Variants in CTSG observed in about 807,000 individuals in gnomAD.
CTSG encodes the protein cathepsin G.
CTSG carries 23 observed loss-of-function variants against 23.0 expected under a neutral mutation model. The ratio of observed to expected loss-of-function variants is 1.00; its 90% CI spans 0.72 to 1.42. The LOEUF is 1.42. Ranked by LOEUF, CTSG falls within the 40% of genes most tolerant of loss-of-function variation. The probability of loss-of-function intolerance (pLI) is 0.00; values close to 1 mark genes in which losing one functional copy is unlikely to be tolerated. For missense variants in CTSG, 312 were observed against 326.2 expected, an observed-to-expected ratio of 0.96 and a Z score of 0.33; for synonymous variants, 140 against 130.4, an observed-to-expected ratio of 1.07 and a Z score of -0.50.
intron 1 of CTSG, 86 bp downstream of exon 1, chr14:24,576,083 G>A: frequency 9.1e-7 from 1 of 1,093,602 alleles, no homozygotes. Context: ...TTGCTCAACA[G>A]TACAGAATTA....
At chr14:24,573,953 G>A in intron 4 of CTSG, 143 bp from the exon 5 acceptor site, 1 of 796,612 alleles carries the variant, frequency 1.3e-6, no homozygotes, top group East Asian at 2.6e-5. Context: ...TGGGGTACAG[G>A]AGCCAAGCCT....
intron 2 of CTSG, 115 bp downstream of exon 2, chr14:24,575,150 C>T: frequency 1.6e-6 from 2 of 1,213,602 alleles, no homozygotes; most frequent in Non-Finnish European, 2.4e-6. Context: ...CAAAGACTCA[C>T]TTGGTCTTTC....
At chr14:24,574,984 G>C in intron 2 of CTSG, 174 bp from the exon 3 acceptor site, 1 of 823,062 alleles carries the variant, frequency 1.2e-6, no homozygotes, top group Non-Finnish European at 1.9e-6. Context: ...GGGATGACAG[G>C]GTGGTACTTG....
At position 24,576,179 on chromosome 14, in the gene CTSG, C is replaced by T. The variant is rs1457044007; in HGVS notation, c.45G>A (p.Gly15=). The change falls in exon 1 of 5, where the codon GGG becomes GGA. Residue 15 remains glycine, a synonymous_variant. Coordinates refer to ENST00000216336, the MANE Select transcript of CTSG (RefSeq NM_001911.3). ...GGGATGGTCACTCACCTGCCTCAGC[C>T]CCAGTGGGTAGGAGAAAGGCCAGCA... ...LLLLAFLLPT[G]AEAGEIIGGR... 2 of 1,610,512 alleles carry T rather than the reference C, an allele frequency of 1.2e-6. No individual in the cohort carries two copies. Among genetic ancestry groups the T allele is most frequent in the East Asian group, 2.2e-5 (1 of 44,820 alleles).
At chr14:24,574,845 G>A (rs1337896903) in intron 2 of CTSG, 35 bp from the exon 3 acceptor site, 1 of 1,611,844 alleles carries the variant, frequency 6.2e-7, no homozygotes. Flanking sequence ...GGCTGCAGGA[G>A]CTATGGTCCA....
At position 24,574,377 on chromosome 14, in the gene CTSG, C is replaced by G; in HGVS notation, c.462G>C (p.Arg154Ser). 2 of 1,611,156 alleles carry G rather than the reference C, an allele frequency of 1.2e-6. No individual in the cohort carries two copies. Among genetic ancestry groups the G allele is most frequent in the Non-Finnish European group, 1.7e-6 (2 of 1,180,004 alleles). The stretch of plus-strand genomic sequence containing the variant: ...GCACCTCTCGGAGTGTATCTGTTCC[C>G]CTCCTCATGCTGACCCTGCCCCAGC... ...VAGWGRVSMRRGTDTLREVQL... is the reference protein window; with the variant it reads ...VAGWGRVSMRSGTDTLREVQL... The change falls in exon 4 of 5, where the codon AGG (arginine) becomes AGC (serine). Residue 154 changes from arginine to serine, a missense_variant. Arg to Ser is a moderately radical substitution (Grantham distance 110). Coordinates refer to ENST00000216336, the MANE Select transcript of CTSG (RefSeq NM_001911.3).
At chr14:24,576,110 T>A in intron 1 of CTSG, 59 bp downstream of exon 1, 1 of 1,490,428 alleles carries the variant, frequency 6.7e-7, no homozygotes, top group South Asian at 1.2e-5. Flanking sequence ...ACCAAGGCAA[T>A]TTGGCTCAAG....
Position 24,574,320 on chromosome 14 carries a change from G to C in CTSG, c.519C>G (p.Leu173=), listed in dbSNP as rs776614375. The C allele has an allele frequency of 6.2e-7, 1 of 1,603,734 alleles. No individual in the cohort carries two copies. Among genetic ancestry groups the C allele is most frequent in the East Asian group, 2.2e-5 (1 of 44,866 alleles). Residue 173 remains leucine (L), a synonymous_variant, in exon 4 of 5, where the codon CTC becomes CTG. Transcript: ENST00000216336. ...GGGGGTCGTAGGAACCGAAGATGCG[G>C]AGGCACTGCCTATCCCTCTGCACTC... ...QLRVQRDRQC[L]RIFGSYDPRR...
chr14:24,574,895 G>A, intron 2 of CTSG, 85 bp from the exon 3 acceptor site: 1 of 1,563,034 alleles, frequency 6.4e-7, no homozygotes, highest in South Asian at 1.1e-5. Flanking sequence ...GGGAGGGCAA[G>A]ACTGCAGCTA....
At chr14:24,573,892 G>C in intron 4 of CTSG, 82 bp from the exon 5 acceptor site, 1 of 1,314,776 alleles carries the variant, frequency 7.6e-7, no homozygotes, top group Admixed American at 2.1e-5. Flanking sequence ...AGGGAAGGCA[G>C]GGGTGGGTGG....
intron 3 of CTSG, 76 bp from the exon 4 acceptor site, chr14:24,574,575 A>C (rs1317241383): frequency 2.5e-6 from 4 of 1,610,914 alleles, no homozygotes; most frequent in Non-Finnish European, 3.4e-6. Context: ...TGCAGTACAC[A>C]TCCCATGCCC....
Position 24,574,504 on chromosome 14 carries a change from A to G in CTSG, c.340-5T>C, listed in dbSNP as rs2066731372. The G allele has an allele frequency of 6.2e-7, 1 of 1,613,688 alleles. No homozygotes were observed. Among genetic ancestry groups the G allele is most frequent in the Non-Finnish European group, 8.5e-7 (1 of 1,179,930 alleles). On this transcript the variant is annotated splice_region_variant and splice_polypyrimidine_tract_variant and intron_variant, in intron 3 of 4. Transcript: ENST00000216336. ...CCGTCTGACTCTTCTGCTCAGCTGG[A>G]GGAAGAATGTAGGCGTTCCCGCTCA... is the stretch of plus-strand genomic sequence containing the variant.
At position 24,573,772 on chromosome 14, in the gene CTSG, G is replaced by A. The variant is rs199877520; in HGVS notation, c.633C>T (p.Ala211=). 4.6e-4 allele frequency: 746 copies of A among 1,614,092 alleles called. 4 individuals carry two copies. The highest frequency in any genetic ancestry group is 2.2e-4 in the Non-Finnish European group (262 of 1,180,006). Reference sequence around the variant, plus strand: ...ACTTTCCATAGGAGACGATGCCGTGGGCCACATTGTTACACAGCAGGGGGC... The same window carrying A: ...ACTTTCCATAGGAGACGATGCCGTGAGCCACATTGTTACACAGCAGGGGGC... ...SGGPLLCNNV[A]HGIVSYGKSS... is the part of the protein sequence containing the mutation. The change falls in exon 5 of 5, where the codon GCC becomes GCT. Residue 211 remains alanine (A), a synonymous_variant. Transcript: ENST00000216336.
chr14:24,574,951 T>C, intron 2 of CTSG, 141 bp from the exon 3 acceptor site: 1 of 1,088,594 alleles, frequency 9.2e-7, no homozygotes, highest in Non-Finnish European at 1.3e-6. Context: ...AGCTGTATCC[T>C]CTTTCTCAGC....
At chr14:24,575,550 C>T in intron 1 of CTSG, 138 bp from the exon 2 acceptor site, 1 of 908,454 alleles carries the variant, frequency 1.1e-6, no homozygotes, top group East Asian at 2.4e-5. Context: ...GGTGCTGAGG[C>T]TTGGAGTCTA....
rs1307456242 is a variant in CTSG, at chr14:24,574,744, A to C, written c.270T>G (p.Thr90=). The change falls in exon 3 of 5, where the codon ACT becomes ACG. Residue 90 remains threonine, a synonymous_variant. Transcript: ENST00000216336. ...QRRENTQQHI[T]ARRAIRHPQY... ...GAGGGTGGCGGATGGCTCTGCGCGC[A>C]GTGATGTGTTGCTGGGTGTTTTCCC... 1 of 1,614,108 alleles carries C rather than the reference A, an allele frequency of 6.2e-7. No homozygotes were observed. Among genetic ancestry groups the C allele is most frequent in the East Asian group, 2.2e-5 (1 of 44,860 alleles).
At position 24,575,344 on chromosome 14, in the gene CTSG, T is replaced by C. The variant is rs146445852; in HGVS notation, c.124A>G (p.Ser42Gly). The C allele has an allele frequency of 5.6e-5, 90 of 1,614,078 alleles. No individual in the cohort carries two copies. In the African/African-American group the frequency reaches 9.2e-4, roughly 17 times the overall value. Residue 42 changes from serine to glycine, a missense_variant, in exon 2 of 5, where the codon AGT becomes GGT. By Grantham distance (56) the Ser-to-Gly change is moderately conservative (BLOSUM62 0). Coordinates refer to ENST00000216336, the MANE Select transcript of CTSG (RefSeq NM_001911.3). ...RPYMAYLQIQSPAGQSRCGGF... is the reference protein window; with the variant it reads ...RPYMAYLQIQGPAGQSRCGGF... ...CCACATCTGCTCTGACCTGCTGGAC[T>C]CTGGATCTGAAGATACGCCATGTAG...
At chr14:24,575,160 C>G in intron 2 of CTSG, 105 bp downstream of exon 2, 1 of 1,361,584 alleles carries the variant, frequency 7.3e-7, no homozygotes, top group Non-Finnish European at 1.0e-6. Context: ...CTTGGTCTTT[C>G]TTTCACCCTT....
At position 24,574,469 on chromosome 14, in the gene CTSG, C is replaced by T. The variant is rs761312786; in HGVS notation, c.370G>A (p.Val124Met). 6.2e-7 allele frequency: 1 copy of T among 1,614,012 alleles called. No homozygotes were observed. Among genetic ancestry groups the T allele is most frequent in the Non-Finnish European group, 8.5e-7 (1 of 1,180,024 alleles). ...LSRRVRRNRN[V>M]NPVALPRAQE... ...GCTCTAGGCAGAGCCACTGGGTTCA[C>T]GTTTCGATTCCGTCTGACTCTTCTG... Residue 124 changes from valine to methionine, a missense_variant, in exon 4 of 5, where the codon GTG becomes ATG. Coordinates refer to ENST00000216336, the MANE Select transcript of CTSG (RefSeq NM_001911.3).
Sources: gnomAD v4.1 joint callset for allele counts on GRCh38, gnomAD v4.1.1 for gene constraint, MANE v1.5 for transcripts, NCBI Gene and HGNC (gene_info 2026-07-23, HGNC 2026-07-21) for gene names.